The following ARHGEF28 variants were observed in gnomAD, a reference collection of about 807,000 sequenced individuals.
ARHGEF28 encodes the protein Rho guanine nucleotide exchange factor 28, also known as 190 kDa guanine nucleotide exchange factor.
In ARHGEF28, 152 loss-of-function variants were observed where a neutral mutation model predicts 206.6. The ratio of observed to expected loss-of-function variants is 0.74; its 90% CI spans 0.64 to 0.84. The LOEUF is 0.84. Ranked by LOEUF, ARHGEF28 falls within the 40% of genes least tolerant of loss-of-function variation. ARHGEF28 has a pLI of 0.00. For synonymous variants in ARHGEF28, 763 were observed against 776.4 expected (o/e 0.98, Z 0.29); for missense variants, 2,028 against 2,073.2 (o/e 0.98, Z 0.42).
chr5:73,740,161 A>G (rs1345530663), intron 2 of ARHGEF28, among the ~76,000 whole-genome samples: 1 of 143,790 alleles, frequency 7.0e-6, no homozygotes, highest in African/African-American at 2.6e-5. Flanking sequence ...TGGGTGATAT[A>G]GTGAGAACCT....
At chr5:73,770,260 T>C (rs1753149312) in intron 4 of ARHGEF28, among the ~76,000 whole-genome samples, 1 of 152,182 alleles carries the variant, frequency 6.6e-6, no homozygotes. Context: ...ACTCATTTCA[T>C]GGGCAAAGAA....
chr5:73,780,145 G>A (rs1156638655), intron 6 of ARHGEF28: 1 of 153,642 alleles, frequency 6.5e-6, no homozygotes, highest in African/African-American at 2.4e-5. Flanking sequence ...GCAACTTTTC[G>A]CTAAAGCCTT....
chr5:73,753,904 A>G (rs1442925699), intron 4 of ARHGEF28, among the ~76,000 whole-genome samples: 1 of 152,206 alleles, frequency 6.6e-6, no homozygotes, highest in Non-Finnish European at 1.5e-5. Flanking sequence ...TTCTGACTTC[A>G]GTGATCCTTC....
At chr5:73,923,142 T>A in intron 35 of ARHGEF28, 1 of 1,535,930 alleles carries the variant, frequency 6.5e-7, no homozygotes, top group Non-Finnish European at 8.7e-7. Context: ...GACTGTGGAC[T>A]GGAACCACAT....
intron 22 of ARHGEF28, among the ~76,000 whole-genome samples, chr5:73,878,752 C>T (rs1009709137): frequency 6.7e-5 from 10 of 150,270 alleles, no homozygotes; most frequent in Non-Finnish European, 1.0e-4. Flanking sequence ...GAATATTGGC[C>T]CCCAGTCTCT....
chr5:73,896,009 C>G (rs1761943146), intron 29 of ARHGEF28, among the ~76,000 whole-genome samples: 1 of 152,120 alleles, frequency 6.6e-6, no homozygotes, highest in Non-Finnish European at 1.5e-5. Context: ...ATCCATTGAG[C>G]ATCTATCTTG....
rs928337157 is a variant in ARHGEF28, at chr5:73,920,634, C to T, written c.4948+9059C>T. ...GCGCTATCCCGGCTCACTGCAAGCT[C>T]CGCCTCTTGGGTTCATGCCATTCTC... On this transcript the variant is annotated intron_variant, in intron 35 of 35. Coordinates refer to ENST00000513042, the MANE Select transcript of ARHGEF28 (RefSeq NM_001177693.2). 2.0e-5 allele frequency among the ~76,000 whole-genome samples: 3 copies of T among 149,990 alleles called. No homozygotes were observed. In the East Asian group the frequency reaches 5.9e-4, roughly 30 times the overall value.
At chr5:73,692,798 T>A (rs917376320) in intron 2 of ARHGEF28, among the ~76,000 whole-genome samples, 1 of 152,204 alleles carries the variant, frequency 6.6e-6, no homozygotes, top group Non-Finnish European at 1.5e-5. Context: ...ACTTGGTGGC[T>A]TTGTTCTGGG....
chr5:73,873,643 GT>G lies in ARHGEF28; in HGVS notation c.2814+403del, dbSNP rs1760254996. On this transcript the variant is annotated intron_variant, in intron 22 of 35. Coordinates refer to ENST00000513042, the MANE Select transcript of ARHGEF28 (RefSeq NM_001177693.2). Reference sequence around the variant, plus strand: ...GAATGCCATCTTCTCCAAATGTACTGTTTTTTGAAGCTGTTTCATCCTATCA... The same window carrying G: ...GAATGCCATCTTCTCCAAATGTACTGTTTTTGAAGCTGTTTCATCCTATCA... Among the ~76,000 whole-genome samples, 4 of 152,228 alleles carry G rather than the reference GT, an allele frequency of 2.6e-5. No homozygotes were observed. The South Asian group carries it at 8.3e-4, about 32-fold the overall frequency.
At chr5:73,708,679 G>A (rs76027565) in intron 2 of ARHGEF28, among the ~76,000 whole-genome samples, 390 of 152,282 alleles carry the variant, frequency 2.6e-3, no homozygotes, top group Middle Eastern at 0.01. Flanking sequence ...ACAAGTGCAT[G>A]TATATCTTTT....
intron 35 of ARHGEF28, among the ~76,000 whole-genome samples, chr5:73,917,312 T>C (rs6876498): frequency 0.029 from 4,353 of 152,322 alleles, 152 homozygotes; most frequent in African/African-American, 0.081. Context: ...TAGGTTATGT[T>C]TTAAAGGAAA....
Position 73,677,372 on chromosome 5 carries a change from C to T in ARHGEF28, c.-11-7469C>T, listed in dbSNP as rs570567822. On this transcript the variant is annotated intron_variant, in intron 1 of 35. Transcript: ENST00000513042. Reference sequence around the variant, plus strand: ...AATTGCGGAATATTGAGCAAGGTGCCTGAGTATTACCTGTTAATTAGTTTT... The same window carrying T: ...AATTGCGGAATATTGAGCAAGGTGCTTGAGTATTACCTGTTAATTAGTTTT... Among the ~76,000 whole-genome samples, 4 of 152,114 alleles carry T rather than the reference C, an allele frequency of 2.6e-5. No homozygotes were observed. In the South Asian group the frequency reaches 8.3e-4, roughly 32 times the overall value.
intron 10 of ARHGEF28, among the ~76,000 whole-genome samples, chr5:73,838,450 G>T (rs1757795486): frequency 6.6e-6 from 1 of 152,022 alleles, no homozygotes. Context: ...AATTTTCAAG[G>T]TTATCAACCT....
chr5:73,843,769 T>G (rs1191180312), intron 11 of ARHGEF28, among the ~76,000 whole-genome samples: 1 of 152,184 alleles, frequency 6.6e-6, no homozygotes, highest in Non-Finnish European at 1.5e-5. Context: ...GGAAGATAAG[T>G]AATAAAAACA....
intron 7 of ARHGEF28, among the ~76,000 whole-genome samples, chr5:73,783,174 G>A (rs1753945525): frequency 6.6e-6 from 1 of 152,174 alleles, no homozygotes; most frequent in Admixed American, 6.5e-5. Flanking sequence ...GTAGCTCTGT[G>A]TATTAGCATG....
chr5:73,786,851 C>T (rs564360898), intron 7 of ARHGEF28, among the ~76,000 whole-genome samples: 10 of 152,232 alleles, frequency 6.6e-5, no homozygotes, highest in African/African-American at 1.9e-4. Flanking sequence ...GGTAAAGATA[C>T]GTGTTTTGAG....
rs1762896451 is a variant in ARHGEF28 at position 73,911,409 on chromosome 5, T to G, written c.4782T>G (p.Pro1594=). The G allele has an allele frequency of 1.2e-6, 2 of 1,613,922 alleles. No individual in the cohort carries two copies. Among genetic ancestry groups the G allele is most frequent in the Admixed American group, 1.7e-5 (1 of 60,010 alleles). ...PSVIHQDATY[P]TTQSHSDLVR... ...TTATCCATCAGGATGCCACTTACCC[T>G]ACAACTCAATCTCATTCTGACTTGG... Residue 1594 remains proline (P), a synonymous_variant, in exon 35 of 36, where the codon CCT becomes CCG. Coordinates refer to ENST00000513042, the MANE Select transcript of ARHGEF28 (RefSeq NM_001177693.2).
chr5:73,746,969 A>T (rs1751751267), intron 2 of ARHGEF28, among the ~76,000 whole-genome samples: 1 of 152,124 alleles, frequency 6.6e-6, no homozygotes, highest in African/African-American at 2.4e-5. Flanking sequence ...AAGCTTGTTG[A>T]GTTTCATTTG....
rs144798569 is a variant in ARHGEF28, at chr5:73,719,508, A to G, written c.34-30329A>G. 5.8e-4 allele frequency among the ~76,000 whole-genome samples: 88 copies of G among 152,076 alleles called. 1 individual carries two copies. In the East Asian group the frequency reaches 0.016, roughly 28 times the overall value. ...AGCCCATTGTCTTGTTGTAAAAATC[A>G]TACTTGGGATTTCAGAAACTGACAT... On this transcript the variant is annotated intron_variant, in intron 2 of 35. Transcript: ENST00000513042.
Sources: allele counts gnomAD v4.1 joint callset (sites outside exome capture counted in the v4.1 genomes callset), GRCh38; gene constraint gnomAD v4.1.1; transcripts MANE v1.5; gene names NCBI Gene and HGNC (gene_info 2026-07-23, HGNC 2026-07-21).